The following KAT6B variants were observed in gnomAD, a reference collection of about 807,000 sequenced individuals.
The protein encoded by KAT6B is histone acetyltransferase KAT6B.
KAT6B carries 10 observed loss-of-function variants against 187.5 expected under a neutral mutation model. The observed-to-expected ratio is 0.05, with a 90% confidence interval of 0.03 to 0.09. KAT6B has a LOEUF of 0.09. KAT6B is among the 10% of genes least tolerant of loss of function. The pLI, the probability that KAT6B is intolerant of heterozygous loss-of-function variation, is 1.00. For synonymous variants in KAT6B, 861 were observed against 926.8 expected (o/e 0.93, Z 1.29); for missense variants, 1,952 against 2,558.9 (o/e 0.76, Z 5.12).
chr10:74,920,371 C>G (rs1404833601), intron 3 of KAT6B, among the ~76,000 whole-genome samples: 3 of 152,130 alleles, frequency 2.0e-5, no homozygotes, highest in African/African-American at 4.8e-5. Flanking sequence ...AGCTTTATTT[C>G]CTGGATTGGT....
chr10:74,850,274 A>G (rs532338161), intron 3 of KAT6B, among the ~76,000 whole-genome samples: 119 of 152,236 alleles, frequency 7.8e-4, no homozygotes, highest in African/African-American at 2.8e-3. Context: ...CAACAAATAG[A>G]TTTCCAGCAT....
intron 13 of KAT6B, among the ~76,000 whole-genome samples, chr10:75,012,321 CTTG>C (rs1247626468): frequency 1.3e-5 from 2 of 152,162 alleles, no homozygotes; most frequent in Admixed American, 6.5e-5. Context: ...GTGGTATGCA[CTTG>C]TTGTCCCAGC....
rs528614010 is a variant in KAT6B, at chr10:75,005,254, GT to G, written c.2630-15326del. Among the ~76,000 whole-genome samples, 401 of 146,708 alleles carry G rather than the reference GT, an allele frequency of 2.7e-3. 2 individuals are homozygous for G. Among genetic ancestry groups the G allele is most frequent in the African/African-American group, 9.8e-3 (387 of 39,304 alleles). ...TTCTTTTGAGACCGAGTCTTGCTCTGTTGCCCAGGCTGAAGTGCAGTGGCAC... is the reference window on the plus strand; with the variant it reads ...TTCTTTTGAGACCGAGTCTTGCTCTGTGCCCAGGCTGAAGTGCAGTGGCAC... On this transcript the variant is annotated intron_variant, in intron 13 of 17. Coordinates refer to ENST00000287239, the MANE Select transcript of KAT6B (RefSeq NM_012330.4).
chr10:74,861,030 G>T (rs1194420960), intron 3 of KAT6B, among the ~76,000 whole-genome samples: 1 of 152,074 alleles, frequency 6.6e-6, no homozygotes, highest in Non-Finnish European at 1.5e-5. Flanking sequence ...CCAGCTACTC[G>T]GGAGGCTGAG....
At chr10:75,026,658 C>A (rs965354551) in intron 17 of KAT6B, among the ~76,000 whole-genome samples, 2 of 151,842 alleles carry the variant, frequency 1.3e-5, no homozygotes, top group African/African-American at 4.8e-5. Context: ...TAACAAACTG[C>A]AGTGAGCGAT....
chr10:74,893,130 C>T (rs568387341), intron 3 of KAT6B, among the ~76,000 whole-genome samples: 2 of 152,330 alleles, frequency 1.3e-5, no homozygotes, highest in African/African-American at 4.8e-5. Flanking sequence ...AAAGGGCACC[C>T]GTTGCCTGCA....
chr10:74,961,706 A>G (rs531219944), intron 4 of KAT6B, among the ~76,000 whole-genome samples: 75 of 152,232 alleles, frequency 4.9e-4, no homozygotes, highest in Non-Finnish European at 8.8e-4. Context: ...GCCAGAGGGG[A>G]GGTTGATCTC....
chr10:74,847,286 A>C (rs547792981), intron 3 of KAT6B, among the ~76,000 whole-genome samples: 1 of 152,364 alleles, frequency 6.6e-6, no homozygotes, highest in African/African-American at 2.4e-5. Context: ...CTATTAAGTA[A>C]TCATTTGATT....
chr10:74,972,469 A>G, intron 6 of KAT6B, 38 bp from the exon 7 acceptor site: 1 of 1,411,686 alleles, frequency 7.1e-7, no homozygotes, highest in Non-Finnish European at 9.8e-7. Flanking sequence ...CTTAAAATGA[A>G]ACATTAAAAT....
chr10:74,934,631 C>CCCT (rs1287842470), intron 3 of KAT6B, among the ~76,000 whole-genome samples: 1 of 152,150 alleles, frequency 6.6e-6, no homozygotes, highest in African/African-American at 2.4e-5. Flanking sequence ...CCAGTCTTCT[C>CCCT]CCTCCATTCA....
intron 17 of KAT6B, chr10:75,025,478 G>C: frequency 2.1e-6 from 1 of 475,198 alleles, no homozygotes; most frequent in Non-Finnish European, 3.8e-6. Flanking sequence ...CTCTAGGTGG[G>C]TTCATCTTAC....
chr10:74,888,209 T>C (rs1404187249), intron 3 of KAT6B, among the ~76,000 whole-genome samples: 1 of 152,216 alleles, frequency 6.6e-6, no homozygotes, highest in African/African-American at 2.4e-5. Flanking sequence ...AAGTATTACG[T>C]ACATGTAAGT....
intron 3 of KAT6B, among the ~76,000 whole-genome samples, chr10:74,950,435 A>T (rs1309547277): frequency 6.6e-6 from 1 of 152,198 alleles, no homozygotes; most frequent in Non-Finnish European, 1.5e-5. Context: ...CGGGAACAAA[A>T]TAACGCTCTG....
intron 3 of KAT6B, among the ~76,000 whole-genome samples, chr10:74,937,910 C>T (rs1403506994): frequency 6.6e-6 from 1 of 152,198 alleles, no homozygotes; most frequent in African/African-American, 2.4e-5. Flanking sequence ...TCCTCCAGGG[C>T]TTTCACTATA....
intron 3 of KAT6B, among the ~76,000 whole-genome samples, chr10:74,881,653 C>T (rs1042670359): frequency 6.6e-6 from 1 of 152,008 alleles, no homozygotes; most frequent in Non-Finnish European, 1.5e-5. Flanking sequence ...ACACAGATGG[C>T]GGTGGAGATT....
chr10:75,021,792 G>A (rs2134164505), intron 15 of KAT6B, 89 bp from the exon 16 acceptor site: 17 of 1,427,862 alleles, frequency 1.2e-5, no homozygotes, highest in East Asian at 2.3e-5. Flanking sequence ...GATCAGAACC[G>A]ACTTAGAGAC....
chr10:74,954,887 T>C (rs1250124016), intron 3 of KAT6B, among the ~76,000 whole-genome samples: 5 of 152,320 alleles, frequency 3.3e-5, no homozygotes, highest in Admixed American at 1.3e-4. Flanking sequence ...CTCCCCGCTC[T>C]ATAGATTAAC....
chr10:74,866,615 T>C (rs1015009609), intron 3 of KAT6B, among the ~76,000 whole-genome samples: 2 of 152,212 alleles, frequency 1.3e-5, no homozygotes, highest in African/African-American at 4.8e-5. Context: ...TATATCATTA[T>C]TGTAAGTGGA....
upstream of KAT6B, chr10:74,825,524 G>T (rs528735753): frequency 3.4e-3 from 538 of 157,552 alleles, no homozygotes; most frequent in African/African-American, 0.011. The surrounding 1 kb of genome is among the most constrained non-coding windows in gnomAD (Gnocchi z 5.0). Flanking sequence ...GGAGGAGAAG[G>T]AGGCGGCGGC....
Sources: gnomAD v4.1 joint callset for allele counts (sites outside exome capture counted in the v4.1 genomes callset) on GRCh38, gnomAD v4.1.1 for gene constraint, Gnocchi (gnomAD v3.1) non-coding constraint, MANE v1.5 for transcripts, NCBI Gene and HGNC (gene_info 2026-07-23, HGNC 2026-07-21) for gene names.